MICU3: variants seen among roughly 807,000 people sequenced by gnomAD.
MICU3 encodes the protein mitochondrial calcium uptake 3.
Under a neutral mutation model 66.5 loss-of-function variants are expected in MICU3, and 62 were observed. The ratio of observed to expected loss-of-function variants is 0.93; its 90% CI spans 0.76 to 1.15. The LOEUF is 1.15. Among genes scored for constraint, MICU3 ranks in the 50% most tolerant of loss-of-function variants. The pLI is 0.00. For synonymous variants in MICU3, 308 were observed against 240.7 expected, an observed-to-expected ratio of 1.28 and a Z score of -2.59; for missense variants, 779 against 664.4, an observed-to-expected ratio of 1.17 and a Z score of -1.90.
rs1039148964 is a variant in MICU3, at chr8:17,120,990, T to A, written c.*703T>A. On this transcript the variant is annotated 3_prime_UTR_variant, in exon 15 of 15. Coordinates refer to ENST00000318063, the MANE Select transcript of MICU3 (RefSeq NM_181723.3). Reference sequence around the variant, plus strand: ...GTTTTATGTATACGGTAAAGAAATTTAAAGTGTAGAATTTTCCTCCCCCAA... The same window carrying A: ...GTTTTATGTATACGGTAAAGAAATTAAAAGTGTAGAATTTTCCTCCCCCAA... 6.6e-6 allele frequency: 1 copy of A among 151,962 alleles called. No individual in the cohort carries two copies. The highest frequency in any genetic ancestry group is 2.4e-5 in the African/African-American group (1 of 41,442). The allele number at this position is 151,962 out of a possible 1,614,324, so 9.4% of individuals were successfully genotyped here.
At chr8:17,118,842 A>G in intron 14 of MICU3, 67 bp downstream of exon 14, 1 of 945,436 alleles carries the variant, frequency 1.1e-6, no homozygotes, top group South Asian at 1.5e-5. Context: ...TTTTTCTGTT[A>G]TAACATTTAG....
intron 1 of MICU3, among the ~76,000 whole-genome samples, chr8:17,043,852 A>C (rs1007587219): frequency 6.6e-6 from 1 of 152,248 alleles, no homozygotes. Flanking sequence ...AGAGAAAGGT[A>C]AAATATATCC....
rs932178442 is a variant in MICU3, at chr8:17,120,974, A to G, written c.*687A>G. On this transcript the variant is annotated 3_prime_UTR_variant, in exon 15 of 15. Coordinates refer to ENST00000318063, the MANE Select transcript of MICU3 (RefSeq NM_181723.3). ...CAGAATGTCTGTTATTGTTTTATGTATACGGTAAAGAAATTTAAAGTGTAG... is the reference window on the plus strand; with the variant it reads ...CAGAATGTCTGTTATTGTTTTATGTGTACGGTAAAGAAATTTAAAGTGTAG... 2 of 151,986 alleles carry G rather than the reference A, an allele frequency of 1.3e-5. No homozygotes were observed. Among genetic ancestry groups the G allele is most frequent in the African/African-American group, 2.4e-5 (1 of 41,440 alleles). The allele number at this position is 151,986 out of a possible 1,614,324, so 9.4% of individuals were successfully genotyped here.
rs149799189 is a variant in MICU3, at chr8:17,109,469, C to A, written c.1257+3885C>A. ...ACTGATCAAATATATCATGATATAT[C>A]TATAGAATAGAATAAGGTGCAGCTG... On this transcript the variant is annotated intron_variant, in intron 11 of 14. Coordinates refer to ENST00000318063, the MANE Select transcript of MICU3 (RefSeq NM_181723.3). Among the ~76,000 whole-genome samples, 166 of 152,080 alleles carry A rather than the reference C, an allele frequency of 1.1e-3. 1 individual carries two copies. The highest frequency in any genetic ancestry group is 3.8e-3 in the African/African-American group (157 of 41,468).
At position 17,106,546 on chromosome 8, in the gene MICU3, CTTTT is replaced by C. The variant is rs36068857; in HGVS notation, c.1257+975_1257+978del. On this transcript the variant is annotated intron_variant, in intron 11 of 14. Coordinates refer to ENST00000318063, the MANE Select transcript of MICU3 (RefSeq NM_181723.3). ...GGTATTACTTAGGGACTTGAATCTG[CTTTT>C]TTTTTTTTTTTTGCTTTTATTAAAT... Among the ~76,000 whole-genome samples, 1,013 of 136,780 alleles carry C rather than the reference CTTTT, an allele frequency of 7.4e-3. 11 individuals are homozygous for C. Among genetic ancestry groups the C allele is most frequent in the South Asian group, 0.048 (209 of 4,400 alleles). 89.7% of individuals were successfully genotyped at this position (136,780 alleles called of 152,430 possible).
At chr8:17,050,904 A>G (rs760190744) in intron 1 of MICU3, among the ~76,000 whole-genome samples, 3 of 152,040 alleles carry the variant, frequency 2.0e-5, no homozygotes. Context: ...ACATGTTTGC[A>G]TTTATTTTTG....
At chr8:17,102,891 A>G (rs562845102) in intron 9 of MICU3, among the ~76,000 whole-genome samples, 97 of 152,132 alleles carry the variant, frequency 6.4e-4, no homozygotes, top group Non-Finnish European at 1.3e-3. Context: ...ACTGAGAAGT[A>G]GTAGTAGAGA....
chr8:17,059,128 G>C (rs1477706665), intron 1 of MICU3, among the ~76,000 whole-genome samples: 1 of 152,166 alleles, frequency 6.6e-6, no homozygotes, highest in Non-Finnish European at 1.5e-5. Context: ...AAGCTTAAAA[G>C]AATGCAAATA....
chr8:17,050,248 G>C (rs114350812), intron 1 of MICU3, among the ~76,000 whole-genome samples: 88 of 152,058 alleles, frequency 5.8e-4, no homozygotes, highest in African/African-American at 2.1e-3. Context: ...TTTCTTACAA[G>C]TGCTGTATCC....
At chr8:17,090,646 G>T in intron 8 of MICU3, 62 bp downstream of exon 8, 1 of 1,305,394 alleles carries the variant, frequency 7.7e-7, no homozygotes, top group Non-Finnish European at 1.1e-6. Flanking sequence ...ACTTGATAAT[G>T]TTATTTCTTT....
intron 1 of MICU3, among the ~76,000 whole-genome samples, chr8:17,045,561 T>G (rs1181627190): frequency 2.0e-5 from 3 of 152,190 alleles, no homozygotes; most frequent in Admixed American, 6.5e-5. Flanking sequence ...GGGCAGAGTT[T>G]GGGAGTTTCC....
At chr8:17,098,584 C>A in intron 9 of MICU3, 31 bp downstream of exon 9, 1 of 1,368,100 alleles carries the variant, frequency 7.3e-7, no homozygotes, top group Non-Finnish European at 1.0e-6. Context: ...GGTCCTTGTA[C>A]TATTTGCCAT....
chr8:17,029,384 G>A (rs1182775824), intron 1 of MICU3, among the ~76,000 whole-genome samples: 2 of 152,104 alleles, frequency 1.3e-5, no homozygotes, highest in Non-Finnish European at 2.9e-5. Flanking sequence ...GCTGAGGTAG[G>A]AGAATCACTT....
chr8:17,050,023 A>G (rs1186913417), intron 1 of MICU3, among the ~76,000 whole-genome samples: 1 of 152,132 alleles, frequency 6.6e-6, no homozygotes, highest in South Asian at 2.1e-4. Flanking sequence ...TGGGTGTGCC[A>G]TAATTTATTT....
At chr8:17,039,409 G>A (rs1216236737) in intron 1 of MICU3, among the ~76,000 whole-genome samples, 1 of 152,180 alleles carries the variant, frequency 6.6e-6, no homozygotes, top group Admixed American at 6.5e-5. Context: ...ATTCTATGTG[G>A]AATAGCATTG....
At position 17,048,284 on chromosome 8, in the gene MICU3, C is replaced by T. The variant is rs117580491; in HGVS notation, c.382-15800C>T. ...CATAGCCCTCACAAGGACTACATAT[C>T]CTAAATGTGTAGATCTACAAATTAA... On this transcript the variant is annotated intron_variant, in intron 1 of 14. Transcript: ENST00000318063. Among the ~76,000 whole-genome samples, 30 of 152,234 alleles carry T rather than the reference C, an allele frequency of 2.0e-4. No individual in the cohort carries two copies. In the East Asian group the frequency reaches 3.1e-3, roughly 16 times the overall value.
downstream of MICU3, among the ~76,000 whole-genome samples, chr8:17,125,611 C>T (rs574721679): frequency 1.3e-5 from 2 of 152,236 alleles, no homozygotes; most frequent in South Asian, 2.1e-4. Flanking sequence ...GGCCAGATTT[C>T]GCCTGCCTGG....
chr8:17,135,420 T>C, the MICU3 span, among the ~76,000 whole-genome samples: 1 of 152,032 alleles, frequency 6.6e-6, no homozygotes, highest in Non-Finnish European at 1.5e-5. Context: ...TGGACATTTT[T>C]CCGTTAGATT....
chr8:17,113,473 A>G (rs1802393647), intron 11 of MICU3, among the ~76,000 whole-genome samples: 1 of 152,224 alleles, frequency 6.6e-6, no homozygotes, highest in Non-Finnish European at 1.5e-5. Flanking sequence ...CCTGACCACC[A>G]GTCCTTTACA....
Sources: gnomAD v4.1 joint callset for allele counts (sites outside exome capture counted in the v4.1 genomes callset) on GRCh38, gnomAD v4.1.1 for gene constraint, MANE v1.5 for transcripts, NCBI Gene and HGNC (gene_info 2026-07-23, HGNC 2026-07-21) for gene names.